The following PPFIA2 variants were observed in gnomAD, a reference collection of about 807,000 sequenced individuals.
The protein encoded by PPFIA2 is liprin-alpha-2.
PPFIA2 carries 46 observed loss-of-function variants against 175.5 expected under a neutral mutation model. The observed-to-expected ratio is 0.26, with a 90% CI of 0.21 to 0.34. PPFIA2 has a LOEUF of 0.34. Among genes scored for constraint, PPFIA2 ranks in the 10% least tolerant of loss-of-function variants. PPFIA2 has a pLI of 1.00. For missense variants in PPFIA2, 1,179 were observed against 1,506.1 expected (o/e 0.78, Z 3.60); for synonymous variants, 568 against 511.4 (o/e 1.11, Z -1.49).
chr12:81,689,800 T>A (rs2075000537), intron 3 of PPFIA2, among the ~76,000 whole-genome samples: 2 of 152,048 alleles, frequency 1.3e-5, no homozygotes, highest in Admixed American at 6.6e-5. Flanking sequence ...TACTTATACT[T>A]CCTCCCAAAT....
intron 18 of PPFIA2, among the ~76,000 whole-genome samples, chr12:81,346,030 C>T (rs759764190): frequency 1.3e-5 from 2 of 152,104 alleles, no homozygotes; most frequent in African/African-American, 2.4e-5. Flanking sequence ...GTGGACTCAG[C>T]AGCTTAAAGA....
chr12:81,528,336 A>G (rs1360999581), intron 4 of PPFIA2, among the ~76,000 whole-genome samples: 2 of 152,118 alleles, frequency 1.3e-5, no homozygotes, highest in Non-Finnish European at 2.9e-5. Context: ...TAAAATGCAC[A>G]GAATTCCATG....
In PPFIA2 at chr12:81,312,382, A is replaced by C. The variant is rs577725697; in HGVS notation, c.2643-13000T>G. On this transcript the variant is annotated intron_variant, in intron 22 of 32. Transcript: ENST00000549396. ...GCATAGTCAGGCTGAGGGTAGTTCT[A>C]ATAGTTGACCAATAAGTCTATGTCT... 12 of 564,430 alleles carry C rather than the reference A, an allele frequency of 2.1e-5. No individual in the cohort carries two copies. The South Asian group carries it at 3.0e-4, about 14-fold the overall frequency. The allele number at this position is 564,430 out of a possible 1,614,324, so 35.0% of individuals were successfully genotyped here.
At chr12:81,605,979 C>T (rs2060270717) in intron 4 of PPFIA2, among the ~76,000 whole-genome samples, 1 of 151,848 alleles carries the variant, frequency 6.6e-6, no homozygotes, top group Non-Finnish European at 1.5e-5. Context: ...CATCCCTTCC[C>T]ACCATAGTAG....
In PPFIA2 at chr12:81,543,431, G is replaced by T. The variant is rs575259529; in HGVS notation, c.304-85565C>A. The stretch of plus-strand genomic sequence containing the variant: ...CAACAAAAAAGGCAGAAATAAAGTA[G>T]TATTGTATTACAACTTAAAGGATAA... On this transcript the variant is annotated intron_variant, in intron 4 of 32. Transcript: ENST00000549396. 2.0e-5 allele frequency among the ~76,000 whole-genome samples: 3 copies of T among 152,120 alleles called. No individual in the cohort carries two copies. In the South Asian group the frequency reaches 6.2e-4, roughly 32 times the overall value.
intron 3 of PPFIA2, among the ~76,000 whole-genome samples, chr12:81,737,533 C>T (rs2081767830): frequency 6.6e-6 from 1 of 151,706 alleles, no homozygotes; most frequent in Admixed American, 6.6e-5. Context: ...GTCACACAGT[C>T]AAAAATAACA....
intron 3 of PPFIA2, among the ~76,000 whole-genome samples, chr12:81,748,744 G>C (rs2083367468): frequency 6.9e-6 from 1 of 144,390 alleles, no homozygotes; most frequent in African/African-American, 2.4e-5. Context: ...TTGTTATATA[G>C]CATTATTTAA....
At chr12:81,330,694 T>G (rs1454486846) in intron 21 of PPFIA2, among the ~76,000 whole-genome samples, 2 of 152,184 alleles carry the variant, frequency 1.3e-5, no homozygotes, top group African/African-American at 4.8e-5. Context: ...TCTCTGTCAT[T>G]GTGTGAAAAA....
intron 30 of PPFIA2, among the ~76,000 whole-genome samples, chr12:81,266,457 T>TAA (rs2037292412): frequency 6.6e-6 from 1 of 152,148 alleles, no homozygotes; most frequent in African/African-American, 2.4e-5. Context: ...CTATGACTGT[T>TAA]AAAATGTTAT....
chr12:81,565,430 G>A (rs1338638694), intron 4 of PPFIA2, among the ~76,000 whole-genome samples: 2 of 152,100 alleles, frequency 1.3e-5, no homozygotes, highest in Admixed American at 1.3e-4. Context: ...TCCTCAGCCT[G>A]CAGATGGCCT....
At chr12:81,731,305 TG>T (rs2080873887) in intron 3 of PPFIA2, among the ~76,000 whole-genome samples, 1 of 151,724 alleles carries the variant, frequency 6.6e-6, no homozygotes, top group South Asian at 2.1e-4. Context: ...AACTTTCCAG[TG>T]TTTTTTCCAT....
chr12:81,631,514 T>C, intron 4 of PPFIA2, among the ~76,000 whole-genome samples: 1 of 152,180 alleles, frequency 6.6e-6, no homozygotes, highest in South Asian at 2.1e-4. Context: ...TAAAAGGTTG[T>C]ATAAAATTAT....
chr12:81,436,488 T>G (rs186297999), intron 7 of PPFIA2, among the ~76,000 whole-genome samples: 1 of 151,920 alleles, frequency 6.6e-6, no homozygotes, highest in African/African-American at 2.4e-5. Context: ...TCTTCAGTTA[T>G]TGCCTCCAAC....
intron 4 of PPFIA2, among the ~76,000 whole-genome samples, chr12:81,643,366 T>C (rs1400600357): frequency 6.6e-6 from 1 of 151,972 alleles, no homozygotes; most frequent in African/African-American, 2.4e-5. Flanking sequence ...TTCTATTAAT[T>C]ATCCTGCATA....
chr12:81,561,103 A>G (rs1205152819), intron 4 of PPFIA2, among the ~76,000 whole-genome samples: 2 of 152,154 alleles, frequency 1.3e-5, no homozygotes, highest in African/African-American at 4.8e-5. Context: ...ATGGCATTCC[A>G]AATTTTTTCC....
chr12:81,473,588 C>G (rs1293435414), intron 4 of PPFIA2, among the ~76,000 whole-genome samples: 2 of 152,172 alleles, frequency 1.3e-5, no homozygotes, highest in Non-Finnish European at 2.9e-5. Flanking sequence ...TTTCCTGAAG[C>G]AGCCGCATAA....
chr12:81,526,167 C>T (rs953212560), intron 4 of PPFIA2, among the ~76,000 whole-genome samples: 1 of 152,094 alleles, frequency 6.6e-6, no homozygotes, highest in Non-Finnish European at 1.5e-5. Context: ...ACTCTTTTAG[C>T]TTGAGACAGC....
intron 4 of PPFIA2, among the ~76,000 whole-genome samples, chr12:81,515,316 G>T (rs1019811423): frequency 1.3e-5 from 2 of 152,006 alleles, no homozygotes; most frequent in South Asian, 2.1e-4. Context: ...TAGAAAGCGT[G>T]CTGTGTTTCT....
intron 4 of PPFIA2, among the ~76,000 whole-genome samples, chr12:81,665,105 A>C (rs1357189893): frequency 6.6e-6 from 1 of 151,982 alleles, no homozygotes. Context: ...GTTAATGGGT[A>C]CAGCACACCA....
Sources: allele counts gnomAD v4.1 joint callset (sites outside exome capture counted in the v4.1 genomes callset), GRCh38; gene constraint gnomAD v4.1.1; transcripts MANE v1.5; gene names NCBI Gene and HGNC (gene_info 2026-07-23, HGNC 2026-07-21).